TEK: variants seen among roughly 807,000 people sequenced by gnomAD.
TEK encodes TEK receptor tyrosine kinase, also known as angiopoietin-1 receptor.
Under a neutral mutation model 131.8 loss-of-function variants are expected in TEK, and 43 were observed. The ratio of observed to expected loss-of-function variants is 0.33; its 90% confidence interval spans 0.26 to 0.42. The LOEUF is 0.42. Among genes scored for constraint, TEK ranks in the 10% least tolerant of loss-of-function variants. The pLI is 1.00. For synonymous variants in TEK, 580 were observed against 491.6 expected (o/e 1.18, Z -2.38); for missense variants, 1,162 against 1,384.4 (o/e 0.84, Z 2.55).
chr9:27,219,557 T>C lies in TEK; in HGVS notation c.3104-492T>C, dbSNP rs28633295. Among the ~76,000 whole-genome samples, 61 of 152,198 alleles carry C rather than the reference T, an allele frequency of 4.0e-4. 1 individual carries two copies. The East Asian group carries it at 0.011, about 26-fold the overall frequency. ...ATGTATGTGGGGCTTAAAACCTAGA[T>C]GATGGGTCGATAGGTGCAGCAAACC... On this transcript the variant is annotated intron_variant, in intron 20 of 22. Transcript: ENST00000380036.
intron 4 of TEK, among the ~76,000 whole-genome samples, chr9:27,172,380 T>A (rs562514462): frequency 6.6e-6 from 1 of 152,348 alleles, no homozygotes; most frequent in Admixed American, 6.5e-5. Flanking sequence ...AGCCTTCCTT[T>A]ATGCCCTCTT....
intron 6 of TEK, among the ~76,000 whole-genome samples, chr9:27,175,954 T>C (rs1186050523): frequency 6.6e-6 from 1 of 152,200 alleles, no homozygotes; most frequent in Non-Finnish European, 1.5e-5. Context: ...TTCACTCTGA[T>C]GGTAGTTTCT....
chr9:27,119,786 T>A (rs1015773149), intron 1 of TEK, among the ~76,000 whole-genome samples: 3 of 152,216 alleles, frequency 2.0e-5, no homozygotes, highest in Non-Finnish European at 2.9e-5. Context: ...CCAAACCTAT[T>A]GATTCCTATT....
In TEK at chr9:27,185,552, C is replaced by G. The variant is rs1303503826; in HGVS notation, c.1250C>G (p.Pro417Arg). 5 of 1,613,768 alleles carry G rather than the reference C, an allele frequency of 3.1e-6. No individual in the cohort carries two copies. The highest frequency in any genetic ancestry group is 3.4e-6 in the Non-Finnish European group (4 of 1,179,848). ...AIFTIHRILP[P>R]DSGVWVCSVN... The stretch of plus-strand genomic sequence containing the variant: ...TTCACCATCCACCGGATCCTCCCCC[C>G]TGACTCAGGAGTTTGGGTCTGCAGT... Residue 417 changes from proline to arginine, a missense_variant, in exon 9 of 23, where the codon CCT becomes CGT. Coordinates refer to ENST00000380036, the MANE Select transcript of TEK (RefSeq NM_000459.5).
intron 1 of TEK, among the ~76,000 whole-genome samples, chr9:27,132,031 T>C (rs568517601): frequency 1.8e-4 from 27 of 152,180 alleles, no homozygotes; most frequent in African/African-American, 6.5e-4. Flanking sequence ...ATTTGGAATG[T>C]TCTAAGACCT....
At chr9:27,202,332 C>A (rs1825246214) in intron 12 of TEK, among the ~76,000 whole-genome samples, 1 of 152,190 alleles carries the variant, frequency 6.6e-6, no homozygotes, top group Non-Finnish European at 1.5e-5. Flanking sequence ...GACTACAGAG[C>A]CAGACTGCCA....
chr9:27,186,406 C>T (rs1308856473), intron 9 of TEK, among the ~76,000 whole-genome samples: 1 of 152,156 alleles, frequency 6.6e-6, no homozygotes, highest in Non-Finnish European at 1.5e-5. Flanking sequence ...GCTAAGATTA[C>T]TTGTAATTTC....
chr9:27,163,305 C>A (rs1296564355), intron 2 of TEK, among the ~76,000 whole-genome samples: 1 of 152,076 alleles, frequency 6.6e-6, no homozygotes, highest in Non-Finnish European at 1.5e-5. Context: ...GTGATCTTGC[C>A]CTCCTGGAAC....
At chr9:27,125,742 T>G (rs776488666) in intron 1 of TEK, among the ~76,000 whole-genome samples, 4 of 152,232 alleles carry the variant, frequency 2.6e-5, no homozygotes, top group Non-Finnish European at 4.4e-5. Context: ...ATGTTCAATA[T>G]AATATTAACT....
At chr9:27,177,112 G>A (rs1392609796) in intron 6 of TEK, among the ~76,000 whole-genome samples, 2 of 152,138 alleles carry the variant, frequency 1.3e-5, no homozygotes, top group Non-Finnish European at 2.9e-5. Context: ...GAATGGTCAA[G>A]TCCATATTTT....
chr9:27,217,885 G>C (rs1424309011), intron 19 of TEK, 127 bp downstream of exon 19: 10 of 836,910 alleles, frequency 1.2e-5, no homozygotes, highest in Non-Finnish European at 2.0e-5. Context: ...AAAAAGCTCA[G>C]GAAATAAATT....
intron 19 of TEK, among the ~76,000 whole-genome samples, chr9:27,218,131 G>T (rs139567578): frequency 0.024 from 103 of 4,264 alleles, 2 homozygotes; most frequent in Middle Eastern, 0.17. Flanking sequence ...GCCAGACAGT[G>T]GCGGGGGTCG....
At chr9:27,155,539 C>A (rs1823301033) in intron 1 of TEK, among the ~76,000 whole-genome samples, 1 of 152,076 alleles carries the variant, frequency 6.6e-6, no homozygotes, top group Non-Finnish European at 1.5e-5. Flanking sequence ...CAAGATTATC[C>A]TCAAAACATC....
intron 1 of TEK, among the ~76,000 whole-genome samples, chr9:27,118,205 G>C (rs1252221626): frequency 1.3e-5 from 2 of 152,148 alleles, no homozygotes; most frequent in Non-Finnish European, 2.9e-5. Flanking sequence ...GACTACCCTA[G>C]GTTGAATGCC....
At chr9:27,111,607 G>A (rs1018191707) in intron 1 of TEK, among the ~76,000 whole-genome samples, 82 of 151,450 alleles carry the variant, frequency 5.4e-4, no homozygotes, top group African/African-American at 2.0e-3. Context: ...TAAGAGGGCT[G>A]GAGGGGATGT....
rs747482608 is a variant in TEK, at chr9:27,130,861, C to T, written c.52+21219C>T. Among the ~76,000 whole-genome samples, 82 of 150,888 alleles carry T rather than the reference C, an allele frequency of 5.4e-4. No homozygotes were observed. The Middle Eastern group carries it at 0.024, about 44-fold the overall frequency. ...GATTACAGGCGTGAGCCACCGCGCC[C>T]GGCCAAAGTACTTTAAAAAACAAAA... On this transcript the variant is annotated intron_variant, in intron 1 of 22. Transcript: ENST00000380036.
At chr9:27,203,668 G>A (rs889831356) in intron 13 of TEK, among the ~76,000 whole-genome samples, 2 of 152,190 alleles carry the variant, frequency 1.3e-5, no homozygotes, top group African/African-American at 4.8e-5. Context: ...AAAGTCTGTT[G>A]AGTGTAATTA....
Position 27,109,439 on chromosome 9 carries a change from C to T in TEK, c.-152C>T. On this transcript the variant is annotated 5_prime_UTR_variant, in exon 1 of 23. Transcript: ENST00000380036. ...TCAGACAGAAATGAGACTGTTACAG[C>T]CTGCTTCTGTGCTGTTCCTTCTTGC... 3.8e-6 allele frequency: 3 copies of T among 788,120 alleles called. No individual in the cohort carries two copies. The highest frequency in any genetic ancestry group is 6.8e-6 in the Non-Finnish European group (3 of 444,142). 48.8% of individuals were successfully genotyped at this position (788,120 alleles called of 1,614,324 possible). A position where few individuals can be genotyped will look rare whatever the true frequency, so the allele number is the denominator to read the frequency against.
intron 18 of TEK, among the ~76,000 whole-genome samples, chr9:27,217,149 C>A (rs1267831662): frequency 1.3e-5 from 2 of 152,206 alleles, no homozygotes; most frequent in African/African-American, 4.8e-5. Flanking sequence ...TCAATCTCTA[C>A]TGTTACACAT....
Sources: gnomAD v4.1 joint callset for allele counts (sites outside exome capture counted in the v4.1 genomes callset) on GRCh38, gnomAD v4.1.1 for gene constraint, MANE v1.5 for transcripts, NCBI Gene and HGNC (gene_info 2026-07-23, HGNC 2026-07-21) for gene names.